The following RAD51 variants were observed in gnomAD, a reference collection of about 807,000 sequenced individuals.
RAD51 encodes DNA repair protein RAD51 homolog 1.
RAD51 carries 14 observed loss-of-function variants against 41.5 expected under a neutral mutation model. That is an observed-to-expected ratio of 0.34 (90% CI 0.22 to 0.53). The LOEUF (loss-of-function observed/expected upper bound fraction) is 0.53, where lower values mean the gene tolerates loss of function less well. RAD51 is among the 20% of genes least tolerant of loss of function. The pLI, the probability that RAD51 is intolerant of heterozygous loss-of-function variation, is 0.95. For synonymous variants in RAD51, 136 were observed against 148.6 expected (o/e 0.92, Z 0.62); for missense variants, 234 against 422.0 (o/e 0.55, Z 3.90).
Position 40,732,164 on chromosome 15 carries a change from T to C in RAD51, c.*986T>C, listed in dbSNP as rs1488972625. 2 of 188,098 alleles carry C rather than the reference T, an allele frequency of 1.1e-5. No homozygotes were observed. The highest frequency in any genetic ancestry group is 2.2e-5 in the Non-Finnish European group (2 of 89,422). 11.7% of individuals were successfully genotyped at this position (188,098 alleles called of 1,614,324 possible). ...AAGTAGTTATTAGTAGTGAATGTGC[T>C]GTTTATAGCAATTATTGCAGTGCAA... On this transcript the variant is annotated 3_prime_UTR_variant, in exon 10 of 10. Transcript: ENST00000267868.
Position 40,704,097 on chromosome 15 carries a change from C to T in RAD51, c.226-2080C>T, listed in dbSNP as rs145618453. On this transcript the variant is annotated intron_variant, in intron 3 of 9. Transcript: ENST00000267868. The stretch of plus-strand genomic sequence containing the variant: ...ATTTTATTTTATTTTATTTTTGAGA[C>T]GGAGTCTCCCTCTGTGCCCAGGCTG... Among the ~76,000 whole-genome samples, 3 of 151,700 alleles carry T rather than the reference C, an allele frequency of 2.0e-5. No individual in the cohort carries two copies. The East Asian group carries it at 5.8e-4, about 30-fold the overall frequency.
chr15:40,718,968 T>A, intron 6 of RAD51, 69 bp downstream of exon 6: 1 of 1,427,610 alleles, frequency 7.0e-7, no homozygotes, highest in Non-Finnish European at 9.9e-7. Flanking sequence ...CAGGGTTAGT[T>A]TGGCCGAAGA....
At chr15:40,699,376 C>T (rs1894845510) in intron 2 of RAD51, among the ~76,000 whole-genome samples, 1 of 152,252 alleles carries the variant, frequency 6.6e-6, no homozygotes. Flanking sequence ...CTCCTGACCT[C>T]AGGTGATCCA....
rs1249286135 is a variant in RAD51 at position 40,729,596 on chromosome 15, G to T, written c.736G>T (p.Ala246Ser). 1 of 1,613,874 alleles carries T rather than the reference G, an allele frequency of 6.2e-7. No homozygotes were observed. Among genetic ancestry groups the T allele is most frequent in the Non-Finnish European group, 8.5e-7 (1 of 1,180,020 alleles). ...GELSARQMHL[A>S]RFLRMLLRLA... The stretch of plus-strand genomic sequence containing the variant: ...GCTTTCAGCCAGGCAGATGCACTTG[G>T]CCAGGTTTCTGCGGATGCTTCTGCG... The change falls in exon 8 of 10, where the codon GCC becomes TCC. Residue 246 changes from alanine to serine, a missense_variant. Physicochemically the swap from Ala to Ser is moderately conservative, Grantham distance 99 (BLOSUM62 1). This residue lies in a region of RAD51 where 134 missense variants were observed against 286.5 expected (regional missense o/e 0.47). Coordinates refer to ENST00000267868, the MANE Select transcript of RAD51 (RefSeq NM_002875.5).
intron 4 of RAD51, among the ~76,000 whole-genome samples, chr15:40,708,379 C>T (rs971994092): frequency 6.6e-6 from 1 of 151,658 alleles, no homozygotes; most frequent in Non-Finnish European, 1.5e-5. Context: ...AGGTGCCCAT[C>T]ACCAGTTCCA....
chr15:40,704,469 C>G (rs541404081), intron 3 of RAD51, among the ~76,000 whole-genome samples: 4 of 150,990 alleles, frequency 2.6e-5, no homozygotes, highest in Non-Finnish European at 5.9e-5. Flanking sequence ...TCAAGCAGTT[C>G]TCCTGTTTCA....
chr15:40,721,809 A>C (rs1405118571), intron 6 of RAD51, among the ~76,000 whole-genome samples: 4 of 152,244 alleles, frequency 2.6e-5, no homozygotes, highest in South Asian at 2.1e-4. Context: ...CAGAATGACC[A>C]TGTGATCCAG....
intron 6 of RAD51, among the ~76,000 whole-genome samples, chr15:40,728,304 A>G (rs1896691994): frequency 6.6e-6 from 1 of 152,212 alleles, no homozygotes; most frequent in Non-Finnish European, 1.5e-5. Flanking sequence ...TCTACTAAAA[A>G]TAAAAATATT....
In RAD51 at chr15:40,710,269, A is replaced by AAG. The variant is rs1895626257; in HGVS notation, c.435+1155_435+1156dup. Among the ~76,000 whole-genome samples, 31 of 104,362 alleles carry AAG rather than the reference A, an allele frequency of 3.0e-4. 4 individuals are homozygous for AAG. The highest frequency in any genetic ancestry group is 9.9e-4 in the African/African-American group (23 of 23,234). The allele number at this position is 104,362 out of a possible 152,430, so 68.5% of individuals were successfully genotyped here. ...AAAAAAAAAAAAAAAAAAAAAAAAA[A>AAG]AGAAGAAGAAAAAAAAAAGATCAGG... On this transcript the variant is annotated intron_variant, in intron 5 of 9. Transcript: ENST00000267868.
At chr15:40,713,868 A>G (rs1895848338) in intron 5 of RAD51, among the ~76,000 whole-genome samples, 1 of 151,964 alleles carries the variant, frequency 6.6e-6, no homozygotes, top group African/African-American at 2.4e-5. Flanking sequence ...GGTCTCTCAA[A>G]ATGCTGGGAT....
chr15:40,724,670 A>ATTT lies in RAD51; in HGVS notation c.531-4040_531-4038dup, dbSNP rs757564729. Among the ~76,000 whole-genome samples the ATTT allele has an allele frequency of 2.4e-4, 17 of 72,056 alleles. 1 individual carries two copies. Among genetic ancestry groups the ATTT allele is most frequent in the South Asian group, 5.6e-4 (1 of 1,780 alleles). 47.3% of individuals were successfully genotyped at this position (72,056 alleles called of 152,430 possible). On this transcript the variant is annotated intron_variant, in intron 6 of 9. Transcript: ENST00000267868. ...ACCACCAAGCCCAGCTAATTTTTTTATTTCTTTTTTTTTTTTTTTTTTTTT... is the reference window on the plus strand; with the variant it reads ...ACCACCAAGCCCAGCTAATTTTTTTATTTTTTCTTTTTTTTTTTTTTTTTTTTT...
chr15:40,727,452 G>A (rs939018851), intron 6 of RAD51, among the ~76,000 whole-genome samples: 56 of 151,922 alleles, frequency 3.7e-4, no homozygotes, highest in Admixed American at 3.5e-3. Context: ...GAGAAGCAGG[G>A]ATTACAGGCG....
At chr15:40,722,905 G>T (rs1896354001) in intron 6 of RAD51, among the ~76,000 whole-genome samples, 1 of 152,138 alleles carries the variant, frequency 6.6e-6, no homozygotes, top group Non-Finnish European at 1.5e-5. Flanking sequence ...ACACTATGAA[G>T]CAAGTGAAAA....
rs1250316987 is a variant in RAD51 at position 40,706,271 on chromosome 15, A to C, written c.320A>C (p.Lys107Thr). ...ATCATACAGATTACTACTGGCTCCA[A>C]AGAGCTTGACAAACTACTTCAAGGT... ...SEIIQITTGS[K>T]ELDKLLQGGI... The change falls in exon 4 of 10, where the codon AAA (lysine) becomes ACA (threonine). Residue 107 changes from lysine to threonine, a missense_variant. This residue lies in a region of RAD51 where 100 missense variants were observed against 135.5 expected (regional missense o/e 0.74). Coordinates refer to ENST00000267868, the MANE Select transcript of RAD51 (RefSeq NM_002875.5). 6.2e-7 allele frequency: 1 copy of C among 1,612,948 alleles called. No homozygotes were observed.
intron 6 of RAD51, among the ~76,000 whole-genome samples, chr15:40,719,429 T>G (rs1896157856): frequency 6.6e-6 from 1 of 152,080 alleles, no homozygotes; most frequent in Admixed American, 6.6e-5. Flanking sequence ...TATGTTTTCT[T>G]CCAGAGAAAC....
chr15:40,731,103 C>T lies in RAD51; in HGVS notation c.945C>T (p.Tyr315=), dbSNP rs139810756. The T allele has an allele frequency of 4.5e-5, 72 of 1,614,112 alleles. No individual in the cohort carries two copies. The African/African-American group carries it at 8.4e-4, about 19-fold the overall frequency. The part of the protein sequence containing the change: ...GRGETRICKI[Y]DSPCLPEAEA... Reference sequence around the variant, plus strand: ...GGGAAACCAGAATCTGCAAAATCTACGACTCTCCCTGTCTTCCTGAAGCTG... The same window carrying T: ...GGGAAACCAGAATCTGCAAAATCTATGACTCTCCCTGTCTTCCTGAAGCTG... Residue 315 remains tyrosine, a synonymous_variant, in exon 10 of 10, where the codon TAC becomes TAT. Transcript: ENST00000267868.
rs1896867551 is a variant in RAD51, at chr15:40,731,326, T to C, written c.*148T>C. 33 of 1,052,792 alleles carry C rather than the reference T, an allele frequency of 3.1e-5. No individual in the cohort carries two copies. In the South Asian group the frequency reaches 4.5e-4, roughly 14 times the overall value. 65.2% of individuals were successfully genotyped at this position (1,052,792 alleles called of 1,614,324 possible). A position where few individuals can be genotyped will look rare whatever the true frequency, so the allele number is the denominator to read the frequency against. On this transcript the variant is annotated 3_prime_UTR_variant, in exon 10 of 10. Transcript: ENST00000267868. Reference sequence around the variant, plus strand: ...ACAGCTATTATATCAGCTTTTCTGATGGTATAAACAGGAGACAGGTCAGTA... The same window carrying C: ...ACAGCTATTATATCAGCTTTTCTGACGGTATAAACAGGAGACAGGTCAGTA...
chr15:40,719,140 C>T (rs958806256), intron 6 of RAD51, among the ~76,000 whole-genome samples: 18 of 151,714 alleles, frequency 1.2e-4, no homozygotes, highest in Middle Eastern at 3.2e-3. Context: ...TCACTGCAAC[C>T]TCTGCCTCCC....
At chr15:40,700,130 A>C (rs557263708) in intron 2 of RAD51, among the ~76,000 whole-genome samples, 2 of 152,136 alleles carry the variant, frequency 1.3e-5, no homozygotes, top group Non-Finnish European at 2.9e-5. Context: ...TTGGCAAACT[A>C]ATCTCTCCCC....
Sources: gnomAD v4.1 joint callset for allele counts (sites outside exome capture counted in the v4.1 genomes callset) on GRCh38, gnomAD v4.1.1 for gene constraint, gnomAD v4.1.1 regional missense constraint, MANE v1.5 for transcripts, NCBI Gene and HGNC (gene_info 2026-07-23, HGNC 2026-07-21) for gene names.